Variants in AMPH observed in about 807,000 individuals in gnomAD.
The protein encoded by AMPH is amphiphysin (Stiff-Mann syndrome with breast cancer 128kD autoantigen).
AMPH carries 49 observed loss-of-function variants against 99.1 expected under a neutral mutation model. The ratio of observed to expected loss-of-function variants is 0.49; its 90% confidence interval spans 0.39 to 0.63. AMPH has a LOEUF of 0.63. Ranked by LOEUF, AMPH falls within the 20% of genes least tolerant of loss-of-function variation. The pLI, the probability that AMPH is intolerant of heterozygous loss-of-function variation, is 0.00. For missense variants in AMPH, 759 were observed against 863.4 expected, an observed-to-expected ratio of 0.88 and a Z score of 1.52; for synonymous variants, 314 against 317.3, an observed-to-expected ratio of 0.99 and a Z score of 0.11.
chr7:38,495,454 A>G (rs754330363), intron 3 of AMPH, among the ~76,000 whole-genome samples: 1 of 152,202 alleles, frequency 6.6e-6, no homozygotes, highest in South Asian at 2.1e-4. Context: ...GACAAGATGC[A>G]TATCATCGCA....
At chr7:38,611,362 G>A (rs1004305390) in intron 1 of AMPH, among the ~76,000 whole-genome samples, 2 of 152,206 alleles carry the variant, frequency 1.3e-5, no homozygotes, top group Non-Finnish European at 2.9e-5. Context: ...TTAGCAAGAT[G>A]AATAAGTTCC....
chr7:38,491,530 AAAC>A (rs1788718147), intron 4 of AMPH, among the ~76,000 whole-genome samples: 1 of 152,218 alleles, frequency 6.6e-6, no homozygotes, highest in Admixed American at 6.5e-5. Flanking sequence ...CCACTGAAAC[AAAC>A]AACAAATCAT....
chr7:38,542,676 G>C (rs1790849649), intron 1 of AMPH, among the ~76,000 whole-genome samples: 2 of 152,144 alleles, frequency 1.3e-5, no homozygotes. Context: ...AGATGAGTTA[G>C]CAATGTAAAA....
intron 17 of AMPH, among the ~76,000 whole-genome samples, chr7:38,400,051 T>C (rs1402745263): frequency 6.6e-6 from 1 of 152,158 alleles, no homozygotes; most frequent in Non-Finnish European, 1.5e-5. Flanking sequence ...CTCTGCACCA[T>C]ACATACCTCA....
chr7:38,471,747 G>A (rs1174594243), intron 7 of AMPH, among the ~76,000 whole-genome samples: 2 of 151,988 alleles, frequency 1.3e-5, no homozygotes, highest in Non-Finnish European at 2.9e-5. Flanking sequence ...GCCTACAAGA[G>A]ACACAATTTA....
At chr7:38,391,017 A>AGAGAGAG (rs1784478905) in intron 19 of AMPH, among the ~76,000 whole-genome samples, 2 of 99,268 alleles carry the variant, frequency 2.0e-5, no homozygotes, top group Non-Finnish European at 2.2e-5. Flanking sequence ...GAGAGAGAGA[A>AGAGAGAG]TGATACAACA....
chr7:38,603,371 A>G (rs1179816535), intron 1 of AMPH, among the ~76,000 whole-genome samples: 1 of 152,120 alleles, frequency 6.6e-6, no homozygotes, highest in Non-Finnish European at 1.5e-5. Context: ...AAGCCAGAAA[A>G]TATCACATAA....
chr7:38,562,581 TCA>T (rs1458308178), intron 1 of AMPH, among the ~76,000 whole-genome samples: 2 of 151,770 alleles, frequency 1.3e-5, no homozygotes, highest in African/African-American at 4.8e-5. Context: ...CTGGTAAGAC[TCA>T]CAGTCTCAGC....
intron 5 of AMPH, among the ~76,000 whole-genome samples, chr7:38,486,545 CA>C (rs919791755): frequency 2.6e-5 from 4 of 151,966 alleles, no homozygotes; most frequent in Admixed American, 2.0e-4. Flanking sequence ...CAAGCTCTTC[CA>C]AAAAGATTGC....
chr7:38,575,243 A>T (rs553169206), intron 1 of AMPH, among the ~76,000 whole-genome samples: 29 of 152,270 alleles, frequency 1.9e-4, no homozygotes, highest in African/African-American at 7.0e-4. Flanking sequence ...AGTCTTATCT[A>T]TAACAGTTTA....
rs1361985623 is a variant in AMPH, at chr7:38,429,075, C to T, written c.1182+767G>A. 7.7e-6 allele frequency: 10 copies of T among 1,290,324 alleles called. No homozygotes were observed. The African/African-American group carries it at 1.2e-4, about 16-fold the overall frequency. The allele number at this position is 1,290,324 out of a possible 1,614,324, so 79.9% of individuals were successfully genotyped here. Reference sequence around the variant, plus strand: ...GTCTACCTTTTGACACGCCTCCACACCTGCCCACAGAGAATCTTCCATCTT... The same window carrying T: ...GTCTACCTTTTGACACGCCTCCACATCTGCCCACAGAGAATCTTCCATCTT... On this transcript the variant is annotated intron_variant, in intron 14 of 20. Transcript: ENST00000356264.
intron 12 of AMPH, among the ~76,000 whole-genome samples, chr7:38,433,649 C>T (rs868499983): frequency 7.2e-5 from 6 of 83,432 alleles, no homozygotes; most frequent in Admixed American, 1.6e-4. Context: ...GGCATGAACC[C>T]GGGAGGCGGA....
chr7:38,583,970 A>C (rs914482390), intron 1 of AMPH, among the ~76,000 whole-genome samples: 2 of 152,386 alleles, frequency 1.3e-5, no homozygotes, highest in South Asian at 4.1e-4. Flanking sequence ...AGAGAGAGAC[A>C]GGATGGTCAT....
chr7:38,588,650 AC>A (rs761328512), intron 1 of AMPH, among the ~76,000 whole-genome samples: 13 of 152,186 alleles, frequency 8.5e-5, no homozygotes, highest in Non-Finnish European at 1.9e-4. Flanking sequence ...TCTGAACCTA[AC>A]CAACTCTCCA....
chr7:38,440,444 G>C (rs907497559), intron 11 of AMPH, among the ~76,000 whole-genome samples: 1 of 151,752 alleles, frequency 6.6e-6, no homozygotes, highest in Non-Finnish European at 1.5e-5. Flanking sequence ...AGGGAAAAAT[G>C]ATAACAGAAC....
At chr7:38,421,904 A>G (rs1785592481) in intron 16 of AMPH, among the ~76,000 whole-genome samples, 1 of 152,202 alleles carries the variant, frequency 6.6e-6, no homozygotes, top group South Asian at 2.1e-4. Flanking sequence ...CGCCAGGAGT[A>G]ACTATTTCTA....
chr7:38,529,094 C>A (rs1229205784), intron 2 of AMPH, among the ~76,000 whole-genome samples: 1 of 152,146 alleles, frequency 6.6e-6, no homozygotes, highest in Non-Finnish European at 1.5e-5. Context: ...CTTAACAGGG[C>A]ATCCAGCCTC....
intron 11 of AMPH, among the ~76,000 whole-genome samples, chr7:38,450,893 C>CTT (rs1161257005): frequency 4.3e-3 from 614 of 144,394 alleles, no homozygotes; most frequent in African/African-American, 6.8e-3. Flanking sequence ...AAAACACTTT[C>CTT]TTTTTTTTTT....
At chr7:38,627,326 G>A (rs938650092) in intron 1 of AMPH, among the ~76,000 whole-genome samples, 37 of 144,946 alleles carry the variant, frequency 2.6e-4, no homozygotes, top group South Asian at 2.1e-4. Context: ...GGCAGATAAC[G>A]AGGTCAGGAG....
Sources: gnomAD v4.1 joint callset for allele counts (sites outside exome capture counted in the v4.1 genomes callset) on GRCh38, gnomAD v4.1.1 for gene constraint, MANE v1.5 for transcripts, NCBI Gene and HGNC (gene_info 2026-07-23, HGNC 2026-07-21) for gene names.